SYN3: variants seen among roughly 807,000 people sequenced by gnomAD.
The protein encoded by SYN3 is synapsin III, also known as synapsin-3.
Under a neutral mutation model 65.8 loss-of-function variants are expected in SYN3, and 35 were observed. The observed-to-expected ratio is 0.53, with a 90% CI of 0.41 to 0.70. The LOEUF (loss-of-function observed/expected upper bound fraction) is 0.70, where lower values mean the gene tolerates loss of function less well. Ranked by LOEUF, SYN3 falls within the 30% of genes least tolerant of loss-of-function variation. SYN3 has a pLI of 0.00. For synonymous variants in SYN3, 270 were observed against 292.9 expected (o/e 0.92, Z 0.80); for missense variants, 680 against 749.0 (o/e 0.91, Z 1.08).
chr22:32,690,902 C>T (rs1418157820), intron 6 of SYN3, among the ~76,000 whole-genome samples: 1 of 152,130 alleles, frequency 6.6e-6, no homozygotes, highest in Non-Finnish European at 1.5e-5. Flanking sequence ...ATAAGCATCA[C>T]ACTCCAGAGG....
intron 4 of SYN3, among the ~76,000 whole-genome samples, chr22:32,909,582 G>C (rs1357503227): frequency 1.3e-5 from 2 of 152,120 alleles, no homozygotes; most frequent in Non-Finnish European, 2.9e-5. Flanking sequence ...GTTTTTAAAA[G>C]ACACTCTAAT....
rs960702701 is a variant in SYN3, at chr22:32,893,794, C to A, written c.462-24669G>T. Among the ~76,000 whole-genome samples, 4 of 152,224 alleles carry A rather than the reference C, an allele frequency of 2.6e-5. No homozygotes were observed. In the East Asian group the frequency reaches 5.8e-4, roughly 22 times the overall value. ...AATATCCCCTTCTTCGCAAAGAAAG[C>A]CTTCTTTGAACATGGCAGTGAGCTG... On this transcript the variant is annotated intron_variant, in intron 4 of 13. Coordinates refer to ENST00000358763, the MANE Select transcript of SYN3 (RefSeq NM_003490.4).
At chr22:32,540,885 T>C (rs1176043398) in intron 8 of SYN3, among the ~76,000 whole-genome samples, 1 of 152,216 alleles carries the variant, frequency 6.6e-6, no homozygotes, top group Admixed American at 6.5e-5. Flanking sequence ...GGCAGATTCA[T>C]TTACCAGTAG....
intron 2 of SYN3, among the ~76,000 whole-genome samples, chr22:32,986,774 C>T (rs1224727128): frequency 1.3e-5 from 2 of 152,148 alleles, no homozygotes; most frequent in Non-Finnish European, 2.9e-5. Context: ...TCATAATAAG[C>T]TCCCTGAATA....
intron 4 of SYN3, among the ~76,000 whole-genome samples, chr22:32,924,185 T>G (rs1013038027): frequency 2.0e-5 from 3 of 152,198 alleles, no homozygotes; most frequent in African/African-American, 7.2e-5. Flanking sequence ...TGATTTATAT[T>G]TCTTTGGGTA....
At chr22:33,044,069 C>A in intron 1 of SYN3, among the ~76,000 whole-genome samples, 1 of 151,112 alleles carries the variant, frequency 6.6e-6, no homozygotes. Context: ...AAAAAAAGTG[C>A]ATTGAACTAT....
At chr22:32,758,860 G>A (rs1471400522) in intron 6 of SYN3, among the ~76,000 whole-genome samples, 6 of 150,730 alleles carry the variant, frequency 4.0e-5, no homozygotes, top group African/African-American at 1.5e-4. Flanking sequence ...AGTCCTGTGG[G>A]TAGCAGGACA....
intron 7 of SYN3, among the ~76,000 whole-genome samples, chr22:32,569,320 C>G (rs934481342): frequency 1.3e-5 from 1 of 74,952 alleles, no homozygotes; most frequent in Admixed American, 1.7e-4. Flanking sequence ...TATATAAAAT[C>G]TATCTATCTA....
chr22:32,727,814 T>C (rs567955047), intron 6 of SYN3, among the ~76,000 whole-genome samples: 2 of 152,364 alleles, frequency 1.3e-5, no homozygotes, highest in Non-Finnish European at 2.9e-5. Flanking sequence ...TTTGCCCACT[T>C]TTTAATGGGG....
At position 32,967,370 on chromosome 22, in the gene SYN3, T is replaced by C. The variant is rs78223594; in HGVS notation, c.369+13275A>G. On this transcript the variant is annotated intron_variant, in intron 3 of 13. Coordinates refer to ENST00000358763, the MANE Select transcript of SYN3 (RefSeq NM_003490.4). ...TCCTATGTGATACTAAAGATAGACA[T>C]TGTAGGGCACATAAACTCGTTCTCT... Among the ~76,000 whole-genome samples, 1,074 of 152,296 alleles carry C rather than the reference T, an allele frequency of 7.1e-3. 9 individuals carry two copies. Among genetic ancestry groups the C allele is most frequent in the South Asian group, 0.035 (169 of 4,826 alleles).
intron 4 of SYN3, among the ~76,000 whole-genome samples, chr22:32,927,730 A>C (rs2050513285): frequency 6.6e-6 from 1 of 152,170 alleles, no homozygotes; most frequent in African/African-American, 2.4e-5. Flanking sequence ...CCCTTCATAT[A>C]ATCTTGCAGC....
At chr22:32,977,675 C>G (rs557938576) in intron 3 of SYN3, among the ~76,000 whole-genome samples, 3 of 148,300 alleles carry the variant, frequency 2.0e-5, no homozygotes, top group African/African-American at 7.5e-5. Flanking sequence ...ACCCGGGAGG[C>G]AGAGGTTGCA....
chr22:32,534,188 G>A (rs2058124095), intron 9 of SYN3, among the ~76,000 whole-genome samples: 1 of 152,294 alleles, frequency 6.6e-6, no homozygotes, highest in East Asian at 1.9e-4. Flanking sequence ...AGAGAGGCAG[G>A]GAGAGAAGGA....
chr22:32,801,728 G>C lies in SYN3; in HGVS notation c.711+63187C>G, dbSNP rs1001328821. 202 of 208,956 alleles carry C rather than the reference G, an allele frequency of 9.7e-4. 1 individual carries two copies. The highest frequency in any genetic ancestry group is 1.4e-3 in the Non-Finnish European group (148 of 108,004). The allele number at this position is 208,956 out of a possible 1,614,324, so 12.9% of individuals were successfully genotyped here. On this transcript the variant is annotated intron_variant, in intron 6 of 13. Coordinates refer to ENST00000358763, the MANE Select transcript of SYN3 (RefSeq NM_003490.4). The surrounding 1 kb of genome is among the most constrained non-coding windows in gnomAD (Gnocchi z 4.7). ...GCAGAGCGGGCAGCAGGCAGGCGGC[G>C]GGCGCTCAGACGGCTTCTCCTCCTC...
At chr22:32,602,319 G>A (rs898286125) in intron 6 of SYN3, among the ~76,000 whole-genome samples, 4 of 152,120 alleles carry the variant, frequency 2.6e-5, no homozygotes, top group East Asian at 3.9e-4. Flanking sequence ...TTGCAAACAC[G>A]TATGCACGGA....
At chr22:32,797,531 T>C (rs548364355) in intron 6 of SYN3, among the ~76,000 whole-genome samples, 44 of 152,032 alleles carry the variant, frequency 2.9e-4, no homozygotes, top group African/African-American at 9.9e-4. Context: ...AAAATGGTGA[T>C]AAAAAAGACA....
intron 6 of SYN3, among the ~76,000 whole-genome samples, chr22:32,742,337 C>CTT (rs2044797885): frequency 6.6e-6 from 1 of 152,132 alleles, no homozygotes. Flanking sequence ...CTTAGTCACA[C>CTT]AGCCCAGAAT....
chr22:32,957,897 A>T (rs781604290), intron 3 of SYN3, among the ~76,000 whole-genome samples: 2 of 152,042 alleles, frequency 1.3e-5, no homozygotes, highest in Non-Finnish European at 1.5e-5. Flanking sequence ...CCGTGGTTCC[A>T]CCCCAGCATG....
chr22:33,008,051 C>A (rs895904025), intron 1 of SYN3, among the ~76,000 whole-genome samples: 1 of 151,964 alleles, frequency 6.6e-6, no homozygotes, highest in Non-Finnish European at 1.5e-5. Flanking sequence ...ATTCTCCTGT[C>A]TCAGCCTCCA....
Sources: allele counts gnomAD v4.1 joint callset (sites outside exome capture counted in the v4.1 genomes callset), GRCh38; gene constraint gnomAD v4.1.1; non-coding constraint Gnocchi (gnomAD v3.1); transcripts MANE v1.5; gene names NCBI Gene and HGNC (gene_info 2026-07-23, HGNC 2026-07-21).